The following FBXW8 variants were observed in gnomAD, a reference collection of about 807,000 sequenced individuals.
FBXW8 encodes the protein F-box/WD repeat-containing protein 8.
FBXW8 carries 57 observed loss-of-function variants against 65.3 expected under a neutral mutation model. The observed-to-expected ratio is 0.87, with a 90% confidence interval of 0.71 to 1.09. The LOEUF (loss-of-function observed/expected upper bound fraction) is 1.09. Ranked by LOEUF, FBXW8 falls within the 50% of genes least tolerant of loss-of-function variation. The pLI is 0.00. For missense variants in FBXW8, 777 were observed against 814.8 expected (o/e 0.95, Z 0.57); for synonymous variants, 308 against 330.2 (o/e 0.93, Z 0.73).
At chr12:116,967,041 A>G (rs906226132) in intron 5 of FBXW8, among the ~76,000 whole-genome samples, 4 of 152,124 alleles carry the variant, frequency 2.6e-5, no homozygotes, top group African/African-American at 9.7e-5. Context: ...GCAAAAATGT[A>G]TATAAAATGA....
At chr12:117,015,542 G>A (rs770858319) in intron 8 of FBXW8, among the ~76,000 whole-genome samples, 20 of 152,072 alleles carry the variant, frequency 1.3e-4, no homozygotes, top group Non-Finnish European at 2.4e-4. Context: ...TGGGGATCTC[G>A]CAGGGAGAAG....
At chr12:116,913,403 CT>C (rs1880154058) in intron 1 of FBXW8, among the ~76,000 whole-genome samples, 1 of 152,228 alleles carries the variant, frequency 6.6e-6, no homozygotes, top group Admixed American at 6.5e-5. Context: ...CAAAACTTAA[CT>C]ACGAATAGCC....
chr12:116,958,647 G>C (rs772957806), intron 4 of FBXW8, among the ~76,000 whole-genome samples: 15 of 152,190 alleles, frequency 9.9e-5, no homozygotes, highest in Non-Finnish European at 1.8e-4. Context: ...GGTTGGGGAG[G>C]AGCACGGTGC....
intron 8 of FBXW8, among the ~76,000 whole-genome samples, chr12:117,022,121 T>C (rs1954113629): frequency 6.6e-6 from 1 of 152,184 alleles, no homozygotes. Context: ...CCTTAACAGG[T>C]CTGGCCAAAG....
At chr12:117,023,608 A>T (rs1015135936) in intron 8 of FBXW8, among the ~76,000 whole-genome samples, 1 of 152,372 alleles carries the variant, frequency 6.6e-6, no homozygotes. Flanking sequence ...ACACACCCTT[A>T]TCCCCGCTCT....
chr12:116,973,666 A>G (rs561933926), intron 5 of FBXW8, among the ~76,000 whole-genome samples: 1 of 152,304 alleles, frequency 6.6e-6, no homozygotes, highest in East Asian at 1.9e-4. Context: ...CAGCACTGTC[A>G]AGGTCATGAA....
At chr12:116,915,132 A>G (rs892265799) in intron 1 of FBXW8, among the ~76,000 whole-genome samples, 2 of 152,210 alleles carry the variant, frequency 1.3e-5, no homozygotes, top group East Asian at 3.9e-4. Flanking sequence ...GACAAGGTTT[A>G]TGGAAAAGGC....
Position 116,910,976 on chromosome 12 carries a change from C to G in FBXW8, c.-62C>G. The G allele has an allele frequency of 7.7e-7, 1 of 1,300,882 alleles. No individual in the cohort carries two copies. The highest frequency in any genetic ancestry group is 3.1e-5 in the East Asian group (1 of 31,758). 80.6% of individuals were successfully genotyped at this position (1,300,882 alleles called of 1,614,324 possible). A position where few individuals can be genotyped will look rare whatever the true frequency, so the allele number is the denominator to read the frequency against. On this transcript the variant is annotated 5_prime_UTR_variant, in exon 1 of 11. Coordinates refer to ENST00000652555, the MANE Select transcript of FBXW8 (RefSeq NM_153348.3). Reference sequence around the variant, plus strand: ...CGGCCGCGGCGGACACTTCCCTGGGCGGGACTGTCTCGTGGCACCCGGTGG... The same window carrying G: ...CGGCCGCGGCGGACACTTCCCTGGGGGGGACTGTCTCGTGGCACCCGGTGG...
chr12:116,997,789 A>G (rs1401941389), intron 7 of FBXW8, among the ~76,000 whole-genome samples: 5 of 152,134 alleles, frequency 3.3e-5, no homozygotes, highest in South Asian at 4.1e-4. Flanking sequence ...CACAGGATTC[A>G]CTTTCCCAAG....
intron 4 of FBXW8, among the ~76,000 whole-genome samples, chr12:116,963,095 G>A (rs1222976099): frequency 6.6e-6 from 1 of 152,176 alleles, no homozygotes; most frequent in Non-Finnish European, 1.5e-5. Context: ...AGCAGGCCAG[G>A]TTCAGAAAGC....
chr12:116,931,840 A>C (rs987507404), intron 2 of FBXW8, among the ~76,000 whole-genome samples: 2 of 151,094 alleles, frequency 1.3e-5, no homozygotes, highest in Non-Finnish European at 3.0e-5. Context: ...GATGCCTTTT[A>C]TTTCTTTCTG....
chr12:117,011,375 C>A (rs7958680), intron 8 of FBXW8, among the ~76,000 whole-genome samples: 69,138 of 151,960 alleles, frequency 0.45, 19,804 homozygotes, highest in African/African-American at 0.82. Flanking sequence ...AATATTTTCA[C>A]CTCCCAACCT....
rs552869700 is a variant in FBXW8, at chr12:116,997,908, C to T, written c.1239+9039C>T. Reference sequence around the variant, plus strand: ...TCAGCTCACTACAACCTCTGCCTCTCGGGTTCAAGCAATTCTCCTGCCTCA... The same window carrying T: ...TCAGCTCACTACAACCTCTGCCTCTTGGGTTCAAGCAATTCTCCTGCCTCA... On this transcript the variant is annotated intron_variant, in intron 7 of 10. Coordinates refer to ENST00000652555, the MANE Select transcript of FBXW8 (RefSeq NM_153348.3). Among the ~76,000 whole-genome samples, 7 of 152,278 alleles carry T rather than the reference C, an allele frequency of 4.6e-5. No homozygotes were observed. In the East Asian group the frequency reaches 7.7e-4, roughly 17 times the overall value.
At chr12:116,925,993 T>C (rs531340600) in intron 1 of FBXW8, among the ~76,000 whole-genome samples, 1 of 152,292 alleles carries the variant, frequency 6.6e-6, no homozygotes, top group African/African-American at 2.4e-5. Flanking sequence ...GTGGCAGGGC[T>C]AGGGTGATGC....
At chr12:116,914,499 G>C (rs1225853430) in intron 1 of FBXW8, among the ~76,000 whole-genome samples, 2 of 151,128 alleles carry the variant, frequency 1.3e-5, no homozygotes, top group African/African-American at 4.9e-5. Context: ...ATTGAGGCCA[G>C]GAGGTCGAGG....
At position 116,982,112 on chromosome 12, in the gene FBXW8, A is replaced by T. The variant is rs142367911; in HGVS notation, c.836-3094A>T. 4.8e-3 allele frequency among the ~76,000 whole-genome samples: 727 copies of T among 152,358 alleles called. 2 individuals carry two copies. Among genetic ancestry groups the T allele is most frequent in the Non-Finnish European group, 7.6e-3 (516 of 68,026 alleles). On this transcript the variant is annotated intron_variant, in intron 5 of 10. Coordinates refer to ENST00000652555, the MANE Select transcript of FBXW8 (RefSeq NM_153348.3). ...CAAAAAATAAAAAAGGCAACAAAAG[A>T]GGAGAAAAGGGAGCAAAGAACAGAT...
At chr12:117,000,017 T>C (rs1211925884) in intron 7 of FBXW8, among the ~76,000 whole-genome samples, 1 of 143,088 alleles carries the variant, frequency 7.0e-6, no homozygotes, top group Non-Finnish European at 1.5e-5. Flanking sequence ...GGAGTCTCGC[T>C]GTCTCCCAGG....
intron 4 of FBXW8, among the ~76,000 whole-genome samples, chr12:116,956,465 AAT>A (rs1883656191): frequency 6.6e-6 from 1 of 152,118 alleles, no homozygotes; most frequent in African/African-American, 2.4e-5. Flanking sequence ...GCCTGATTCA[AAT>A]ATGTTTTTAT....
chr12:116,993,055 T>G, intron 7 of FBXW8, among the ~76,000 whole-genome samples: 1 of 151,836 alleles, frequency 6.6e-6, no homozygotes, highest in Non-Finnish European at 1.5e-5. Flanking sequence ...TGTATAAGCA[T>G]TCCCATTTCA....
Sources: allele counts gnomAD v4.1 joint callset (sites outside exome capture counted in the v4.1 genomes callset), GRCh38; gene constraint gnomAD v4.1.1; transcripts MANE v1.5; gene names NCBI Gene and HGNC (gene_info 2026-07-23, HGNC 2026-07-21).